DAB1: variants seen among roughly 807,000 people sequenced by gnomAD.
DAB1 encodes disabled homolog 1.
In DAB1, 15 loss-of-function variants were observed where a neutral mutation model predicts 64.6. The observed-to-expected ratio is 0.23, with a 90% CI of 0.16 to 0.36. The LOEUF (loss-of-function observed/expected upper bound fraction) is 0.36, where lower values mean the gene tolerates loss of function less well. DAB1 is among the 10% of genes least tolerant of loss of function. The probability of loss-of-function intolerance (pLI) is 1.00; values close to 1 mark genes in which losing one functional copy is unlikely to be tolerated. For synonymous variants in DAB1, 235 were observed against 251.9 expected (o/e 0.93, Z 0.64); for missense variants, 596 against 706.7 (o/e 0.84, Z 1.78).
upstream of DAB1, among the ~76,000 whole-genome samples, chr1:57,425,772 G>A (rs888490098): frequency 4.2e-4 from 64 of 152,296 alleles, no homozygotes; most frequent in African/African-American, 1.5e-3. Context: ...TTCCAGGTGT[G>A]ACAGATAATC....
At chr1:57,940,642 C>T (rs1645090553) in intron 5 of DAB1, among the ~76,000 whole-genome samples, 1 of 152,196 alleles carries the variant, frequency 6.6e-6, no homozygotes, top group Non-Finnish European at 1.5e-5. Context: ...CCAACAAACT[C>T]CCATGTAACA....
chr1:58,381,392 C>G (rs1038729655), intron 3 of DAB1, among the ~76,000 whole-genome samples: 2 of 152,014 alleles, frequency 1.3e-5, no homozygotes, highest in Admixed American at 6.6e-5. Flanking sequence ...AGCTTTTACT[C>G]TATTATGAAA....
At chr1:57,510,137 A>G (rs1391240924) in intron 7 of DAB1, among the ~76,000 whole-genome samples, 1 of 152,140 alleles carries the variant, frequency 6.6e-6, no homozygotes, top group Non-Finnish European at 1.5e-5. Context: ...CTACACACAC[A>G]ACTGCAGTTC....
chr1:58,476,226 AT>A (rs142419016), intron 3 of DAB1, among the ~76,000 whole-genome samples: 11,980 of 150,832 alleles, frequency 0.079, 726 homozygotes, highest in African/African-American at 0.17. Flanking sequence ...AATTAAAATA[AT>A]TTTTTTTTTC....
At chr1:57,047,617 T>C (rs1316088928) in intron 9 of DAB1, among the ~76,000 whole-genome samples, 3 of 152,184 alleles carry the variant, frequency 2.0e-5, no homozygotes, top group Non-Finnish European at 4.4e-5. Context: ...CGCTAGCACC[T>C]TGATCTTGGA....
At chr1:57,007,931 G>A (rs1646136967) in intron 14 of DAB1, among the ~76,000 whole-genome samples, 1 of 152,194 alleles carries the variant, frequency 6.6e-6, no homozygotes, top group African/African-American at 2.4e-5. Flanking sequence ...TGTGTCTTGT[G>A]CTGCTGTCGA....
intron 6 of DAB1, among the ~76,000 whole-genome samples, chr1:57,780,230 A>G (rs1650000450): frequency 6.6e-6 from 1 of 152,136 alleles, no homozygotes; most frequent in Non-Finnish European, 1.5e-5. Flanking sequence ...ATACATTTTT[A>G]ACATGTTGAT....
rs900788198 is a variant in DAB1, at chr1:57,190,723, C to T, written c.68-45294G>A. On this transcript the variant is annotated intron_variant, in intron 2 of 14. Transcript: ENST00000371236. ...GAATGCAGCATCCCCCGCACCACCA[C>T]CACCACTCAGAGATCATCCCAAAGG... Among the ~76,000 whole-genome samples the T allele has an allele frequency of 3.3e-5, 5 of 152,272 alleles. No individual in the cohort carries two copies. The South Asian group carries it at 6.2e-4, about 19-fold the overall frequency.
chr1:57,406,509 A>G (rs1403267244), intron 1 of DAB1, among the ~76,000 whole-genome samples: 5 of 152,180 alleles, frequency 3.3e-5, no homozygotes, highest in Admixed American at 3.3e-4. Flanking sequence ...CTCAATAAAT[A>G]CTGAATAAAT....
chr1:57,490,383 T>G (rs1382087464), intron 7 of DAB1, among the ~76,000 whole-genome samples: 2 of 152,204 alleles, frequency 1.3e-5, no homozygotes, highest in Admixed American at 1.3e-4. Context: ...CACTTTATTA[T>G]TTATTACATA....
intron 7 of DAB1, among the ~76,000 whole-genome samples, chr1:57,467,580 T>A (rs1365221655): frequency 6.6e-6 from 1 of 152,152 alleles, no homozygotes; most frequent in African/African-American, 2.4e-5. Context: ...GCTTCCCACT[T>A]TCAAATGGAC....
chr1:58,334,281 G>C (rs2100497840), intron 4 of DAB1, among the ~76,000 whole-genome samples: 1 of 152,150 alleles, frequency 6.6e-6, no homozygotes, highest in South Asian at 2.1e-4. Context: ...TTGTTGGGTT[G>C]CAATATTAAA....
intron 7 of DAB1, among the ~76,000 whole-genome samples, chr1:57,495,070 G>A (rs1644213488): frequency 6.6e-6 from 1 of 152,120 alleles, no homozygotes; most frequent in African/African-American, 2.4e-5. Context: ...AAGGTCTTGA[G>A]TCAATCGCAT....
At chr1:57,267,285 G>T (rs1201593725) in intron 2 of DAB1, among the ~76,000 whole-genome samples, 1 of 151,758 alleles carries the variant, frequency 6.6e-6, no homozygotes, top group Non-Finnish European at 1.5e-5. Flanking sequence ...GTGCAACCCT[G>T]CCCACACTGT....
intron 4 of DAB1, among the ~76,000 whole-genome samples, chr1:58,264,519 G>A (rs892021395): frequency 2.6e-5 from 4 of 152,204 alleles, no homozygotes; most frequent in Non-Finnish European, 5.9e-5. Context: ...TCTCATTCAA[G>A]TTCAGACTTG....
At chr1:57,859,852 A>C (rs1202086161) in intron 1 of DAB1, among the ~76,000 whole-genome samples, 1 of 152,238 alleles carries the variant, frequency 6.6e-6, no homozygotes, top group Non-Finnish European at 1.5e-5. Context: ...CTATACCTGG[A>C]TGAAGGTAAA....
chr1:57,009,763 T>C (rs576719152), intron 14 of DAB1, among the ~76,000 whole-genome samples: 2 of 152,340 alleles, frequency 1.3e-5, no homozygotes, highest in Non-Finnish European at 2.9e-5. Flanking sequence ...GGTAACAAGG[T>C]GTACTTCTGT....
intron 7 of DAB1, among the ~76,000 whole-genome samples, chr1:57,481,816 C>CAAAA (rs11367788): frequency 7.8e-6 from 1 of 128,118 alleles, no homozygotes. Context: ...GACTCTGTCT[C>CAAAA]AAAAAAAAAA....
intron 1 of DAB1, chr1:57,866,527 T>C (rs1654307900): frequency 6.6e-6 from 1 of 152,186 alleles, no homozygotes; most frequent in South Asian, 2.1e-4. Context: ...TACAGCACCT[T>C]AGTGAAGAGT....
Sources: gnomAD v4.1 joint callset for allele counts (sites outside exome capture counted in the v4.1 genomes callset) on GRCh38, gnomAD v4.1.1 for gene constraint, MANE v1.5 for transcripts, NCBI Gene and HGNC (gene_info 2026-07-23, HGNC 2026-07-21) for gene names.